Variants in TOM1 observed in about 807,000 individuals in gnomAD.
TOM1 encodes target of Myb protein 1.
In TOM1, 38 loss-of-function variants were observed where a neutral mutation model predicts 61.3. The observed-to-expected ratio is 0.62, with a 90% CI of 0.48 to 0.81. TOM1 has a LOEUF of 0.81. TOM1 is among the 40% of genes least tolerant of loss of function. The pLI, the probability that TOM1 is intolerant of heterozygous loss-of-function variation, is 0.00. For missense variants in TOM1, 591 were observed against 659.6 expected, an observed-to-expected ratio of 0.90 and a Z score of 1.14; for synonymous variants, 270 against 268.8, an observed-to-expected ratio of 1.00 and a Z score of -0.04.
chr22:35,347,489 A>T lies in TOM1; in HGVS notation c.*280A>T. The T allele has an allele frequency of 6.0e-6, 2 of 331,832 alleles. No homozygotes were observed. Among genetic ancestry groups the T allele is most frequent in the Non-Finnish European group, 1.1e-5 (2 of 182,294 alleles). The allele number at this position is 331,832 out of a possible 1,614,324, so 20.6% of individuals were successfully genotyped here. A position where few individuals can be genotyped will look rare whatever the true frequency, so the allele number is the denominator to read the frequency against. On this transcript the variant is annotated 3_prime_UTR_variant, in exon 15 of 15. Coordinates refer to ENST00000449058, the MANE Select transcript of TOM1 (RefSeq NM_005488.3). The stretch of plus-strand genomic sequence containing the variant: ...TGCTGAGAAGTGGAGGCCCCAGGAC[A>T]GGCTGGCTGGCTGGCTGGCTGCTTG...
intron 11 of TOM1, 72 bp downstream of exon 11, chr22:35,334,520 G>A: frequency 1.3e-6 from 2 of 1,582,700 alleles, no homozygotes; most frequent in Non-Finnish European, 8.6e-7. Context: ...CCGGTTTTAT[G>A]GTGGCACACC....
intron 1 of TOM1, among the ~76,000 whole-genome samples, chr22:35,312,482 A>T (rs1324180479): frequency 1.3e-5 from 2 of 152,240 alleles, no homozygotes; most frequent in Admixed American, 6.5e-5. Context: ...TTTGAGAAGC[A>T]CATAGCATCG....
intron 12 of TOM1, among the ~76,000 whole-genome samples, chr22:35,342,229 G>A (rs920111086): frequency 1.3e-5 from 2 of 152,064 alleles, no homozygotes; most frequent in Non-Finnish European, 2.9e-5. Flanking sequence ...GTCGTGTGAC[G>A]AGGTGGTATT....
At chr22:35,341,035 G>A (rs572016770) in intron 12 of TOM1, among the ~76,000 whole-genome samples, 16 of 152,298 alleles carry the variant, frequency 1.1e-4, no homozygotes, top group African/African-American at 3.1e-4. Context: ...TTGCACACCC[G>A]TGTCACATCC....
At position 35,340,419 on chromosome 22, in the gene TOM1, T is replaced by C. The variant is rs576255096; in HGVS notation, c.1224+1631T>C. Among the ~76,000 whole-genome samples the C allele has an allele frequency of 2.2e-4, 34 of 151,884 alleles. No homozygotes were observed. The South Asian group carries it at 6.9e-3, about 31-fold the overall frequency. ...GGAAGTCTTGAGCACAGGAGGGACT[T>C]GACTTCCAATCTGAAAGATCAGGAT... On this transcript the variant is annotated intron_variant, in intron 12 of 14. Transcript: ENST00000449058.
chr22:35,320,731 G>A (rs577720219), intron 2 of TOM1, among the ~76,000 whole-genome samples: 5 of 152,166 alleles, frequency 3.3e-5, no homozygotes, highest in Admixed American at 6.5e-5. Context: ...GGATCTCCCC[G>A]CAAGGTGGGG....
intron 2 of TOM1, among the ~76,000 whole-genome samples, chr22:35,318,760 G>A (rs11703977): frequency 0.11 from 17,097 of 152,342 alleles, 1,194 homozygotes; most frequent in South Asian, 0.16. Flanking sequence ...GGGCAGAGGT[G>A]TGGGAGCCGT....
chr22:35,303,709 G>A (rs972857949), intron 1 of TOM1, among the ~76,000 whole-genome samples: 6 of 152,058 alleles, frequency 3.9e-5, no homozygotes, highest in African/African-American at 1.4e-4. Flanking sequence ...TGTTAGCCAA[G>A]CTGGTCTTGA....
chr22:35,310,648 G>T (rs955119433), intron 1 of TOM1, among the ~76,000 whole-genome samples: 6 of 152,242 alleles, frequency 3.9e-5, no homozygotes, highest in Non-Finnish European at 7.3e-5. Context: ...AAGTGTGGAG[G>T]TGTTTCATTT....
chr22:35,302,462 A>G (rs1422506857), intron 1 of TOM1, among the ~76,000 whole-genome samples: 4 of 150,452 alleles, frequency 2.7e-5, no homozygotes, highest in Non-Finnish European at 4.4e-5. Context: ...CAGCCTCCCA[A>G]GGTAGCCGGG....
intron 11 of TOM1, among the ~76,000 whole-genome samples, 171 bp from the exon 12 acceptor site, chr22:35,338,542 T>G (rs1430814653): frequency 6.6e-6 from 1 of 152,124 alleles, no homozygotes; most frequent in African/African-American, 2.4e-5. Context: ...GTCTGTCATG[T>G]AGGTCACTTG....
chr22:35,301,912 T>C (rs1221219416), intron 1 of TOM1, among the ~76,000 whole-genome samples: 1 of 152,180 alleles, frequency 6.6e-6, no homozygotes, highest in Non-Finnish European at 1.5e-5. Context: ...AAACCACTGC[T>C]TTTATCACAT....
intron 7 of TOM1, among the ~76,000 whole-genome samples, chr22:35,329,714 C>T (rs1242497031): frequency 1.3e-5 from 2 of 152,152 alleles, no homozygotes; most frequent in Non-Finnish European, 2.9e-5. Context: ...TTCAGCCAGC[C>T]CCCTTTGCAG....
chr22:35,335,339 CCT>C (rs1025158477), intron 11 of TOM1, among the ~76,000 whole-genome samples: 2 of 152,190 alleles, frequency 1.3e-5, no homozygotes, highest in Non-Finnish European at 2.9e-5. Flanking sequence ...CCAGGGATAA[CCT>C]CTCCACACCC....
intron 7 of TOM1, among the ~76,000 whole-genome samples, chr22:35,327,965 C>A (rs1018149018): frequency 6.6e-6 from 1 of 152,132 alleles, no homozygotes; most frequent in African/African-American, 2.4e-5. Context: ...CAAAAAGCAC[C>A]CTCCCCATGG....
intron 3 of TOM1, 169 bp from the exon 4 acceptor site, chr22:35,322,859 C>G: frequency 2.5e-6 from 2 of 805,064 alleles, no homozygotes; most frequent in South Asian, 3.8e-5. Flanking sequence ...ACAAGTCCCC[C>G]AGTCCTGGCA....
chr22:35,327,180 C>T (rs1016346086), intron 6 of TOM1, 91 bp from the exon 7 acceptor site: 12 of 1,264,148 alleles, frequency 9.5e-6, no homozygotes, highest in Non-Finnish European at 1.4e-5. Context: ...TGGTGCTGCA[C>T]CCAGGGTTGG....
rs367700583 is a variant in TOM1 at position 35,315,786 on chromosome 22, C to A, written c.53-2091C>A. Among the ~76,000 whole-genome samples, 7 of 152,334 alleles carry A rather than the reference C, an allele frequency of 4.6e-5. No homozygotes were observed. The East Asian group carries it at 1.2e-3, about 25-fold the overall frequency. On this transcript the variant is annotated intron_variant, in intron 1 of 14. Transcript: ENST00000449058. ...CAGCCTGGCTAGAAGAGGGCCCTGT[C>A]CAGTCCCGCAGAAACTGCCCTCCTC...
chr22:35,340,540 A>G (rs1929786263), intron 12 of TOM1, among the ~76,000 whole-genome samples: 1 of 151,902 alleles, frequency 6.6e-6, no homozygotes, highest in African/African-American at 2.4e-5. Context: ...TGAGGTCAGG[A>G]GTTCAAGACC....
Sources: gnomAD v4.1 joint callset for allele counts (sites outside exome capture counted in the v4.1 genomes callset) on GRCh38, gnomAD v4.1.1 for gene constraint, MANE v1.5 for transcripts, NCBI Gene and HGNC (gene_info 2026-07-23, HGNC 2026-07-21) for gene names.